The following RIT2 variants were observed in gnomAD, a reference collection of about 807,000 sequenced individuals.
RIT2 encodes the protein GTP-binding protein Rit2.
RIT2 carries 24 observed loss-of-function variants against 23.7 expected under a neutral mutation model. The observed-to-expected ratio is 1.01, with a 90% CI of 0.73 to 1.43. RIT2 has a LOEUF of 1.43. RIT2 is among the 40% of genes most tolerant of loss of function. The probability of loss-of-function intolerance (pLI) is 0.00; values close to 1 mark genes in which losing one functional copy is unlikely to be tolerated. For missense variants in RIT2, 236 were observed against 266.9 expected (o/e 0.88, Z 0.81); for synonymous variants, 107 against 91.1 (o/e 1.17, Z -0.99).
chr18:42,810,076 T>C (rs1905807448), intron 4 of RIT2, among the ~76,000 whole-genome samples: 2 of 147,574 alleles, frequency 1.4e-5, no homozygotes, highest in African/African-American at 4.9e-5. Context: ...ATGTTATACA[T>C]AACATATATA....
intron 1 of RIT2, among the ~76,000 whole-genome samples, chr18:43,046,063 AT>A (rs1912240047): frequency 6.6e-6 from 1 of 152,172 alleles, no homozygotes; most frequent in Non-Finnish European, 1.5e-5. Flanking sequence ...GCAATGGCTA[AT>A]AGGCTGGGTG....
intron 4 of RIT2, among the ~76,000 whole-genome samples, chr18:42,811,723 G>A (rs928310588): frequency 1.3e-5 from 2 of 152,026 alleles, no homozygotes; most frequent in Admixed American, 1.3e-4. Context: ...AGTTGAAACG[G>A]AATGGAAGGA....
At chr18:43,081,837 T>G (rs1424159221) in intron 1 of RIT2, among the ~76,000 whole-genome samples, 1 of 152,142 alleles carries the variant, frequency 6.6e-6, no homozygotes, top group Admixed American at 6.6e-5. Context: ...TAGCATTCCT[T>G]GTCATGCTAT....
intron 3 of RIT2, among the ~76,000 whole-genome samples, chr18:42,948,163 G>A (rs1468288569): frequency 6.6e-6 from 1 of 152,026 alleles, no homozygotes; most frequent in East Asian, 1.9e-4. Context: ...CTTATGCAGA[G>A]GATACTGAGA....
intron 1 of RIT2, among the ~76,000 whole-genome samples, chr18:43,040,921 C>G (rs558400560): frequency 6.6e-6 from 1 of 152,000 alleles, no homozygotes; most frequent in Non-Finnish European, 1.5e-5. Context: ...TCTGAATAAG[C>G]CCCTTTTAAT....
At chr18:42,750,760 G>A (rs1471904318) in intron 4 of RIT2, among the ~76,000 whole-genome samples, 1 of 151,668 alleles carries the variant, frequency 6.6e-6, no homozygotes, top group East Asian at 1.9e-4. Context: ...TTTTTGGTTC[G>A]AAGGTTCGAT....
chr18:43,064,383 C>G (rs1364716608), intron 1 of RIT2, among the ~76,000 whole-genome samples: 1 of 152,098 alleles, frequency 6.6e-6, no homozygotes, highest in African/African-American at 2.4e-5. Flanking sequence ...AGCTTATTCC[C>G]CTGACTGCAG....
intron 1 of RIT2, among the ~76,000 whole-genome samples, chr18:43,047,435 T>C (rs1174774429): frequency 1.3e-5 from 2 of 152,024 alleles, no homozygotes; most frequent in African/African-American, 4.8e-5. Flanking sequence ...GCCAAATCAC[T>C]CCCTCTACTC....
At chr18:42,806,659 T>C (rs1297828445) in intron 4 of RIT2, among the ~76,000 whole-genome samples, 1 of 152,198 alleles carries the variant, frequency 6.6e-6, no homozygotes, top group East Asian at 1.9e-4. Context: ...AATAAGCTAG[T>C]AGCAAGTTAC....
intron 4 of RIT2, among the ~76,000 whole-genome samples, chr18:42,816,754 G>A (rs9955033): frequency 0.23 from 34,737 of 151,944 alleles, 5,149 homozygotes; most frequent in African/African-American, 0.43. Context: ...CATTTGAATG[G>A]ACTCCATTAT....
rs1164500748 is a variant in RIT2, at chr18:42,778,229, C to T, written c.427-34509G>A. 2.6e-5 allele frequency among the ~76,000 whole-genome samples: 4 copies of T among 152,266 alleles called. No individual in the cohort carries two copies. In the South Asian group the frequency reaches 6.2e-4, roughly 24 times the overall value. ...CTGCAATCAGAACAGGAATTACATG[C>T]TCATTTCCTCTCTTATAGTGTCACC... On this transcript the variant is annotated intron_variant, in intron 4 of 4. Coordinates refer to ENST00000326695, the MANE Select transcript of RIT2 (RefSeq NM_002930.4).
intron 2 of RIT2, among the ~76,000 whole-genome samples, chr18:43,006,675 T>TA (rs1394467473): frequency 4.0e-5 from 6 of 151,066 alleles, no homozygotes; most frequent in South Asian, 2.1e-4. Context: ...ACTAAAAAAA[T>TA]AAAAAACATT....
At chr18:42,961,834 G>A (rs769186878) in intron 3 of RIT2, among the ~76,000 whole-genome samples, 6 of 152,148 alleles carry the variant, frequency 3.9e-5, no homozygotes, top group Non-Finnish European at 7.3e-5. Context: ...ATCAATTAGT[G>A]GAGCAACCTC....
chr18:42,846,261 A>G (rs1906905920), intron 4 of RIT2, among the ~76,000 whole-genome samples: 1 of 151,972 alleles, frequency 6.6e-6, no homozygotes, highest in Admixed American at 6.6e-5. Context: ...AGCAAAATTT[A>G]CATTAAATAA....
chr18:43,079,245 G>A (rs1030260749), intron 1 of RIT2, among the ~76,000 whole-genome samples: 6 of 152,072 alleles, frequency 3.9e-5, no homozygotes, highest in African/African-American at 1.4e-4. Flanking sequence ...TCACTCTTTA[G>A]GGAAGGCTAG....
intron 2 of RIT2, among the ~76,000 whole-genome samples, chr18:43,023,232 C>A (rs1821462507): frequency 6.6e-6 from 1 of 152,000 alleles, no homozygotes; most frequent in Non-Finnish European, 1.5e-5. Context: ...ATTATGATTT[C>A]TCCTCTTTTA....
chr18:43,082,464 G>A (rs1015249733), intron 1 of RIT2, among the ~76,000 whole-genome samples: 4 of 152,010 alleles, frequency 2.6e-5, no homozygotes, highest in Non-Finnish European at 5.9e-5. Context: ...GATGAACATC[G>A]ATGTGAAATG....
intron 4 of RIT2, among the ~76,000 whole-genome samples, chr18:42,764,991 G>A (rs1913387638): frequency 6.6e-6 from 1 of 152,112 alleles, no homozygotes; most frequent in South Asian, 2.1e-4. Context: ...TTCATGTTTA[G>A]GCACTCAGTA....
chr18:42,782,763 A>G (rs2143934585), intron 4 of RIT2, among the ~76,000 whole-genome samples: 1 of 152,252 alleles, frequency 6.6e-6, no homozygotes, highest in Admixed American at 6.5e-5. Context: ...GTGGCCTAGA[A>G]TCCCCTTGGT....
Sources: allele counts gnomAD v4.1 joint callset (sites outside exome capture counted in the v4.1 genomes callset), GRCh38; gene constraint gnomAD v4.1.1; transcripts MANE v1.5; gene names NCBI Gene and HGNC (gene_info 2026-07-23, HGNC 2026-07-21).